The following POU2F1 variants were observed in gnomAD, a reference collection of about 807,000 sequenced individuals.
The protein encoded by POU2F1 is POU domain, class 2, transcription factor 1.
POU2F1 carries 16 observed loss-of-function variants against 84.9 expected under a neutral mutation model. That is an observed-to-expected ratio of 0.19 (90% CI 0.13 to 0.29). POU2F1 has a LOEUF of 0.29. Among genes scored for constraint, POU2F1 ranks in the 10% least tolerant of loss-of-function variants. The pLI, the probability that POU2F1 is intolerant of heterozygous loss-of-function variation, is 1.00. For missense variants in POU2F1, 738 were observed against 942.6 expected (o/e 0.78, Z 2.84); for synonymous variants, 368 against 368.3 (o/e 1.00, Z 0.01).
chr1:167,408,007 G>A (rs1160098272), intron 13 of POU2F1, among the ~76,000 whole-genome samples: 2 of 152,242 alleles, frequency 1.3e-5, no homozygotes, highest in South Asian at 2.1e-4. Context: ...TGTCTAGAAT[G>A]TATAAACAAC....
At chr1:167,350,234 T>C (rs1658465378) in intron 2 of POU2F1, among the ~76,000 whole-genome samples, 1 of 152,170 alleles carries the variant, frequency 6.6e-6, no homozygotes, top group South Asian at 2.1e-4. Context: ...TAGGATCATA[T>C]CAGATGAGAG....
At chr1:167,273,880 T>C (rs1652544179) in intron 1 of POU2F1, among the ~76,000 whole-genome samples, 1 of 152,224 alleles carries the variant, frequency 6.6e-6, no homozygotes, top group African/African-American at 2.4e-5. Context: ...AAATTAGAGT[T>C]TGACAAAGAT....
chr1:167,323,838 G>A (rs868574190), intron 1 of POU2F1, among the ~76,000 whole-genome samples: 13 of 152,018 alleles, frequency 8.6e-5, no homozygotes, highest in East Asian at 1.9e-4. Context: ...GACTATAGGC[G>A]CATGCCATCA....
chr1:167,287,960 C>G (rs1014107882), intron 1 of POU2F1, among the ~76,000 whole-genome samples: 4 of 152,176 alleles, frequency 2.6e-5, no homozygotes, highest in Admixed American at 2.0e-4. Context: ...TGATGGAAGC[C>G]TAAAGACGAT....
chr1:167,258,467 G>A (rs1031324583), intron 1 of POU2F1, among the ~76,000 whole-genome samples: 3 of 152,086 alleles, frequency 2.0e-5, no homozygotes, highest in Admixed American at 6.6e-5. Flanking sequence ...GCATTAATTT[G>A]TTTTGCTTTC....
chr1:167,271,871 A>AT (rs1045448522), intron 1 of POU2F1, among the ~76,000 whole-genome samples: 8 of 152,266 alleles, frequency 5.3e-5, no homozygotes, highest in African/African-American at 9.6e-5. Context: ...TGATTTCTAC[A>AT]TTTTTTTGTG....
chr1:167,323,135 T>G (rs967234966), intron 1 of POU2F1, among the ~76,000 whole-genome samples: 2 of 152,190 alleles, frequency 1.3e-5, no homozygotes, highest in African/African-American at 4.8e-5. Flanking sequence ...TAAATACTTG[T>G]GGAATCCATT....
chr1:167,299,156 G>A (rs1247128928), intron 1 of POU2F1, among the ~76,000 whole-genome samples: 2 of 83,546 alleles, frequency 2.4e-5, no homozygotes, highest in Non-Finnish European at 4.5e-5. Flanking sequence ...AGAGTGAAAC[G>A]CCATCTCAAA....
intron 3 of POU2F1, among the ~76,000 whole-genome samples, chr1:167,367,257 A>T (rs577318697): frequency 2.0e-4 from 30 of 152,182 alleles, no homozygotes; most frequent in Non-Finnish European, 3.7e-4. Flanking sequence ...TTTCCTTACC[A>T]TAATTATAAT....
intron 1 of POU2F1, among the ~76,000 whole-genome samples, chr1:167,302,077 C>T (rs1654735395): frequency 6.6e-6 from 1 of 151,814 alleles, no homozygotes; most frequent in Non-Finnish European, 1.5e-5. Context: ...TTATTTATCC[C>T]CCGCCCCCGA....
intron 13 of POU2F1, among the ~76,000 whole-genome samples, chr1:167,408,268 T>C (rs1171344268): frequency 6.6e-6 from 1 of 152,198 alleles, no homozygotes; most frequent in East Asian, 1.9e-4. Flanking sequence ...ACTGGAACTT[T>C]CATGCATTGC....
intron 1 of POU2F1, among the ~76,000 whole-genome samples, chr1:167,225,870 C>T (rs913913621): frequency 1.3e-5 from 2 of 152,110 alleles, no homozygotes; most frequent in African/African-American, 4.8e-5. Context: ...GTAATCTTTG[C>T]ATATTAGTCT....
intron 1 of POU2F1, among the ~76,000 whole-genome samples, chr1:167,299,163 C>CA (rs71073663): frequency 0.18 from 17,430 of 96,248 alleles, 1,501 homozygotes; most frequent in Non-Finnish European, 0.21. Context: ...AACGCCATCT[C>CA]AAAAAAAAAA....
At chr1:167,230,923 T>C (rs1207072437) in intron 1 of POU2F1, among the ~76,000 whole-genome samples, 2 of 152,230 alleles carry the variant, frequency 1.3e-5, no homozygotes, top group Non-Finnish European at 2.9e-5. Flanking sequence ...GCCCAACTTC[T>C]AATACAGTAG....
intron 1 of POU2F1, among the ~76,000 whole-genome samples, chr1:167,276,814 A>T (rs1178788143): frequency 6.6e-6 from 1 of 151,006 alleles, no homozygotes; most frequent in Non-Finnish European, 1.5e-5. Context: ...GGAGAAAATC[A>T]ATAAGTATGG....
intron 1 of POU2F1, among the ~76,000 whole-genome samples, chr1:167,249,976 G>A (rs1008030866): frequency 6.6e-6 from 1 of 152,086 alleles, no homozygotes. Flanking sequence ...ATTAACAGGA[G>A]TTATGTTTAT....
At chr1:167,257,663 G>T (rs1651244256) in intron 1 of POU2F1, among the ~76,000 whole-genome samples, 3 of 152,102 alleles carry the variant, frequency 2.0e-5, no homozygotes, top group Admixed American at 6.5e-5. Flanking sequence ...ATTTAGACAA[G>T]ACTTTGGCAA....
rs1650614321 is a variant in POU2F1 at position 167,420,958 on chromosome 1, A to G, written c.*5148A>G. On this transcript the variant is annotated 3_prime_UTR_variant, in exon 16 of 16. Transcript: ENST00000367866. ...TTAAAAGATGACTGATACTAATGGG[A>G]GAAAAATACTAAAGACCCAAAATTT... 2 of 152,234 alleles carry G rather than the reference A, an allele frequency of 1.3e-5. No individual in the cohort carries two copies. Among genetic ancestry groups the G allele is most frequent in the Admixed American group, 6.5e-5 (1 of 15,284 alleles). 9.4% of individuals were successfully genotyped at this position (152,234 alleles called of 1,614,324 possible). A position where few individuals can be genotyped will look rare whatever the true frequency, so the allele number is the denominator to read the frequency against.
intron 2 of POU2F1, among the ~76,000 whole-genome samples, chr1:167,359,419 TA>T (rs1175485615): frequency 6.6e-6 from 1 of 152,204 alleles, no homozygotes; most frequent in Non-Finnish European, 1.5e-5. Context: ...AACTCCCACT[TA>T]AATGTGAGAA....
Sources: allele counts gnomAD v4.1 joint callset (sites outside exome capture counted in the v4.1 genomes callset), GRCh38; gene constraint gnomAD v4.1.1; transcripts MANE v1.5; gene names NCBI Gene and HGNC (gene_info 2026-07-23, HGNC 2026-07-21).